Variants in KDM3B observed in about 807,000 individuals in gnomAD.
KDM3B encodes the protein lysine-specific demethylase 3B.
A neutral mutation model predicts 170.0 loss-of-function variants in KDM3B; 10 were observed. The ratio of observed to expected loss-of-function variants is 0.06; its 90% CI spans 0.04 to 0.10. The LOEUF (loss-of-function observed/expected upper bound fraction) is 0.10, where lower values mean the gene tolerates loss of function less well. KDM3B is among the 10% of genes least tolerant of loss of function. KDM3B has a pLI of 1.00. For missense variants in KDM3B, 1,394 were observed against 2,195.2 expected, an observed-to-expected ratio of 0.64 and a Z score of 7.29; for synonymous variants, 831 against 834.8, an observed-to-expected ratio of 1.00 and a Z score of 0.08.
chr5:138,423,509 G>A (rs1465702510), intron 15 of KDM3B, among the ~76,000 whole-genome samples: 1 of 152,162 alleles, frequency 6.6e-6, no homozygotes, highest in East Asian at 1.9e-4. Flanking sequence ...AAACAGGTGA[G>A]TGATTCTCAG....
chr5:138,432,424 A>G (rs1763557553), intron 23 of KDM3B, among the ~76,000 whole-genome samples: 1 of 138,758 alleles, frequency 7.2e-6, no homozygotes, highest in Non-Finnish European at 1.7e-5. Context: ...GCATAAAAAG[A>G]ACAAAGAGGG....
intron 23 of KDM3B, among the ~76,000 whole-genome samples, chr5:138,434,065 A>T (rs1763608672): frequency 6.6e-6 from 1 of 152,170 alleles, no homozygotes. Context: ...ATAGAATGAG[A>T]ATATAAAGGT....
chr5:138,368,395 G>T (rs554201386), intron 1 of KDM3B, among the ~76,000 whole-genome samples: 14 of 148,536 alleles, frequency 9.4e-5, no homozygotes, highest in African/African-American at 3.2e-4. Flanking sequence ...ACCATGCCTG[G>T]TTTTTTTTTT....
At chr5:138,383,246 C>G (rs1762170358) in intron 6 of KDM3B, among the ~76,000 whole-genome samples, 1 of 151,806 alleles carries the variant, frequency 6.6e-6, no homozygotes, top group South Asian at 2.1e-4. Context: ...TCAAGTGATT[C>G]TTCTGTCTCA....
At chr5:138,383,400 G>A (rs1025194019) in intron 6 of KDM3B, among the ~76,000 whole-genome samples, 1 of 144,962 alleles carries the variant, frequency 6.9e-6, no homozygotes, top group Non-Finnish European at 1.5e-5. Context: ...GCCTCCCAAA[G>A]TTCTGGGTTT....
chr5:138,422,202 ATGT>A (rs1763289784), intron 15 of KDM3B, among the ~76,000 whole-genome samples: 1 of 151,754 alleles, frequency 6.6e-6, no homozygotes, highest in Non-Finnish European at 1.5e-5. Context: ...GACCTATTAC[ATGT>A]TTGATTTTCT....
intron 14 of KDM3B, 59 bp from the exon 15 acceptor site, chr5:138,420,647 A>G (rs1763249008): frequency 6.4e-7 from 1 of 1,574,254 alleles, no homozygotes; most frequent in Non-Finnish European, 8.7e-7. Context: ...TTTAGGAGTC[A>G]GTTGTGTGCT....
Position 138,388,928 on chromosome 5 carries a change from C to T in KDM3B, c.1381-2085C>T, listed in dbSNP as rs182971710. 1.1e-4 allele frequency among the ~76,000 whole-genome samples: 16 copies of T among 152,366 alleles called. No individual in the cohort carries two copies. In the East Asian group the frequency reaches 3.1e-3, roughly 29 times the overall value. ...CTAAAAACTGGCTTGACATGAGTTT[C>T]TCATCACCTTTTTATAAGAAAAGGA... On this transcript the variant is annotated intron_variant, in intron 7 of 23. Transcript: ENST00000314358.
In KDM3B at chr5:138,391,335, T is replaced by C; in HGVS notation, c.1703T>C (p.Leu568Pro). 1 of 1,614,224 alleles carries C rather than the reference T, an allele frequency of 6.2e-7. No homozygotes were observed. The highest frequency in any genetic ancestry group is 8.5e-7 in the Non-Finnish European group (1 of 1,180,032). Reference sequence around the variant, plus strand: ...AGCCTTGAGAGCCTGAGCTCAGGCCTGTGTAAAGGCAGATCCGTTCTTGGA... The same window carrying C: ...AGCCTTGAGAGCCTGAGCTCAGGCCCGTGTAAAGGCAGATCCGTTCTTGGA... ...KQSLESLSSG[L>P]CKGRSVLGTD... Residue 568 changes from leucine to proline, a missense_variant, in exon 8 of 24, where the codon CTG becomes CCG. Coordinates refer to ENST00000314358, the MANE Select transcript of KDM3B (RefSeq NM_016604.4). The surrounding 1 kb of genome is among the most constrained non-coding windows in gnomAD (Gnocchi z 5.0).
chr5:138,361,131 T>TG (rs1761598327), intron 1 of KDM3B, among the ~76,000 whole-genome samples: 1 of 152,154 alleles, frequency 6.6e-6, no homozygotes, highest in African/African-American at 2.4e-5. Flanking sequence ...CCACAAGGCC[T>TG]GGGGGATGCA....
chr5:138,404,055 CAAAAG>C (rs1241772061), intron 11 of KDM3B, among the ~76,000 whole-genome samples: 1 of 151,364 alleles, frequency 6.6e-6, no homozygotes, highest in African/African-American at 2.4e-5. Flanking sequence ...CAGACATTGA[CAAAAG>C]AAGCTATCTA....
chr5:138,370,486 A>G (rs558856321), intron 1 of KDM3B, among the ~76,000 whole-genome samples: 25 of 152,302 alleles, frequency 1.6e-4, no homozygotes, highest in African/African-American at 6.0e-4. Flanking sequence ...ACTTGAGAAC[A>G]TGTATACAAA....
intron 1 of KDM3B, among the ~76,000 whole-genome samples, chr5:138,370,314 T>G (rs1005382829): frequency 1.3e-5 from 2 of 152,232 alleles, no homozygotes; most frequent in African/African-American, 4.8e-5. Context: ...TAGAACTTTA[T>G]AATGAATTTA....
intron 5 of KDM3B, among the ~76,000 whole-genome samples, chr5:138,380,824 A>G (rs2126933763): frequency 6.6e-6 from 1 of 150,918 alleles, no homozygotes; most frequent in Non-Finnish European, 1.5e-5. Context: ...CAGCCTCCCA[A>G]AGTGCTGGGG....
rs1287046122 is a variant in KDM3B, at chr5:138,419,076, A to G, written c.3559A>G (p.Arg1187Gly). Residue 1187 changes from arginine (R) to glycine (G), a missense_variant, in exon 14 of 24, where the codon AGA (arginine) becomes GGA (glycine). Physicochemically the swap from Arg to Gly is moderately radical, Grantham distance 125. Transcript: ENST00000314358. The part of the protein sequence containing the change: ...HVPKADSTDI[R>G]SEEPLKTDSS... Reference sequence around the variant, plus strand: ...TCCCAAAGCCGACAGCACTGACATCAGATCTGAAGAGCCTCTGAAAACAGA... The same window carrying G: ...TCCCAAAGCCGACAGCACTGACATCGGATCTGAAGAGCCTCTGAAAACAGA... 6.2e-7 allele frequency: 1 copy of G among 1,614,214 alleles called. No homozygotes were observed. Among genetic ancestry groups the G allele is most frequent in the Non-Finnish European group, 8.5e-7 (1 of 1,180,040 alleles).
At chr5:138,400,404 A>G (rs1056773472) in intron 11 of KDM3B, among the ~76,000 whole-genome samples, 1 of 151,918 alleles carries the variant, frequency 6.6e-6, no homozygotes, top group East Asian at 1.9e-4. Flanking sequence ...TTTTTTTTAA[A>G]TAACATCTTT....
chr5:138,354,157 A>G (rs955250778), intron 1 of KDM3B, among the ~76,000 whole-genome samples: 17 of 152,106 alleles, frequency 1.1e-4, no homozygotes, highest in Non-Finnish European at 1.6e-4. Context: ...TCACTAATAT[A>G]CAAGCTTTAT....
intron 12 of KDM3B, among the ~76,000 whole-genome samples, chr5:138,415,491 G>A (rs1763080524): frequency 6.6e-6 from 1 of 152,180 alleles, no homozygotes; most frequent in South Asian, 2.1e-4. Flanking sequence ...AGGCTGGAGT[G>A]CAGTGGTGTG....
At chr5:138,419,669 ATATAT>A (rs1223866713) in intron 14 of KDM3B, among the ~76,000 whole-genome samples, 1 of 91,076 alleles carries the variant, frequency 1.1e-5, no homozygotes, top group East Asian at 2.9e-4. Flanking sequence ...AAAAAAAAAA[ATATAT>A]ATATATATAT....
Sources: allele counts gnomAD v4.1 joint callset (sites outside exome capture counted in the v4.1 genomes callset), GRCh38; gene constraint gnomAD v4.1.1; non-coding constraint Gnocchi (gnomAD v3.1); transcripts MANE v1.5; gene names NCBI Gene and HGNC (gene_info 2026-07-23, HGNC 2026-07-21).